ZMYM4: variants seen among roughly 807,000 people sequenced by gnomAD.
ZMYM4 encodes the protein zinc finger MYM-type containing 4.
In ZMYM4, 31 loss-of-function variants were observed where a neutral mutation model predicts 183.2. The observed-to-expected ratio is 0.17, with a 90% CI of 0.13 to 0.23. The LOEUF (loss-of-function observed/expected upper bound fraction) is 0.23, where lower values mean the gene tolerates loss of function less well. Among genes scored for constraint, ZMYM4 ranks in the 10% least tolerant of loss-of-function variants. The probability of loss-of-function intolerance (pLI) is 1.00; values close to 1 mark genes in which losing one functional copy is unlikely to be tolerated. For missense variants in ZMYM4, 1,273 were observed against 1,840.3 expected, an observed-to-expected ratio of 0.69 and a Z score of 5.64; for synonymous variants, 592 against 631.2, an observed-to-expected ratio of 0.94 and a Z score of 0.93.
chr1:35,413,118 C>T (rs1639981493), intron 26 of ZMYM4, among the ~76,000 whole-genome samples: 1 of 151,856 alleles, frequency 6.6e-6, no homozygotes, highest in Admixed American at 6.6e-5. Flanking sequence ...TCATAGCTTG[C>T]TGCAGTCTCA....
intron 2 of ZMYM4, among the ~76,000 whole-genome samples, chr1:35,352,596 T>C (rs1643669047): frequency 6.6e-6 from 1 of 152,228 alleles, no homozygotes; most frequent in South Asian, 2.1e-4. Flanking sequence ...CTGATGTAGC[T>C]GTTCTCAAGT....
chr1:35,268,981 C>T lies in ZMYM4; in HGVS notation c.-66C>T, dbSNP rs1422071756. 48 of 1,481,010 alleles carry T rather than the reference C, an allele frequency of 3.2e-5. No individual in the cohort carries two copies. Among genetic ancestry groups the T allele is most frequent in the Non-Finnish European group, 4.0e-5 (45 of 1,113,902 alleles). The allele number at this position is 1,481,010 out of a possible 1,614,324, so 91.7% of individuals were successfully genotyped here. ...GCCGTGCCTGCAGTGTGGGCGGGGG[C>T]CGGGGGGCCGAGAGGTACCGCCGCC... On this transcript the variant is annotated 5_prime_UTR_variant, in exon 1 of 30. Transcript: ENST00000314607.
chr1:35,366,735 G>C (rs1644088610), intron 5 of ZMYM4, among the ~76,000 whole-genome samples: 1 of 152,194 alleles, frequency 6.6e-6, no homozygotes, highest in African/African-American at 2.4e-5. Flanking sequence ...TTTAAGGCCA[G>C]GTGCGGTGGC....
At chr1:35,397,305 A>G (rs1644825868) in intron 19 of ZMYM4, 72 bp from the exon 20 acceptor site, 9 of 1,396,858 alleles carry the variant, frequency 6.4e-6, no homozygotes, top group African/African-American at 1.5e-5. Context: ...TACCTAAATC[A>G]TCTCACAAAT....
chr1:35,299,688 A>C (rs1293274282), intron 1 of ZMYM4, among the ~76,000 whole-genome samples: 1 of 152,224 alleles, frequency 6.6e-6, no homozygotes, highest in East Asian at 1.9e-4. Flanking sequence ...GGTAAGTTGC[A>C]GAAAGCAACC....
At chr1:35,320,569 A>G (rs1455570056) in intron 1 of ZMYM4, among the ~76,000 whole-genome samples, 1 of 152,134 alleles carries the variant, frequency 6.6e-6, no homozygotes, top group Non-Finnish European at 1.5e-5. Context: ...CGCACACCCC[A>G]AGTTATATAG....
chr1:35,409,309 C>G (rs936538403), intron 26 of ZMYM4, among the ~76,000 whole-genome samples: 6 of 152,150 alleles, frequency 3.9e-5, no homozygotes, highest in African/African-American at 1.4e-4. Context: ...AGTGGAATTG[C>G]TGAGTCTTGT....
Position 35,281,607 on chromosome 1 carries a change from G to T in ZMYM4, c.39+12522G>T, listed in dbSNP as rs1461115671. Among the ~76,000 whole-genome samples the T allele has an allele frequency of 2.0e-5, 3 of 151,504 alleles. No homozygotes were observed. In the East Asian group the frequency reaches 5.8e-4, roughly 29 times the overall value. On this transcript the variant is annotated intron_variant, in intron 1 of 29. Coordinates refer to ENST00000314607, the MANE Select transcript of ZMYM4 (RefSeq NM_005095.3). ...TACGTGTGTATCAAAACACCACTGT[G>T]TACCCCCTTAATTTTGTGCAATTAT...
At chr1:35,345,190 A>G (rs1264034169) in intron 2 of ZMYM4, among the ~76,000 whole-genome samples, 3 of 152,242 alleles carry the variant, frequency 2.0e-5, no homozygotes, top group Non-Finnish European at 4.4e-5. Flanking sequence ...GGCTAAGATC[A>G]AGTGTAATTT....
chr1:35,401,487 GGTT>G (rs1477560283), intron 23 of ZMYM4, among the ~76,000 whole-genome samples: 1 of 151,980 alleles, frequency 6.6e-6, no homozygotes, highest in African/African-American at 2.4e-5. Flanking sequence ...TTGTTGGGTT[GGTT>G]GTTATCTTGC....
At chr1:35,292,680 A>G (rs1640818531) in intron 1 of ZMYM4, among the ~76,000 whole-genome samples, 3 of 151,652 alleles carry the variant, frequency 2.0e-5, no homozygotes, top group Admixed American at 2.0e-4. Context: ...TTGTATTTTT[A>G]GTAGAGACCG....
intron 25 of ZMYM4, among the ~76,000 whole-genome samples, chr1:35,405,678 T>G (rs548318590): frequency 1.3e-5 from 2 of 152,328 alleles, no homozygotes; most frequent in South Asian, 2.1e-4. Flanking sequence ...AGAATTTTGT[T>G]TTATTTTTGA....
chr1:35,395,124 T>C (rs1459008794), intron 18 of ZMYM4, among the ~76,000 whole-genome samples: 3 of 152,070 alleles, frequency 2.0e-5, no homozygotes, highest in African/African-American at 7.2e-5. Flanking sequence ...GCATTTCTTA[T>C]AAGCTCCCAG....
chr1:35,374,425 A>T (rs115159536), intron 7 of ZMYM4, among the ~76,000 whole-genome samples: 1 of 152,094 alleles, frequency 6.6e-6, no homozygotes, highest in African/African-American at 2.4e-5. Context: ...TCATTCACAT[A>T]ATAACTTCAT....
In ZMYM4 at chr1:35,399,917, CG is replaced by C. The variant is rs561455925; in HGVS notation, c.3528+343del. On this transcript the variant is annotated intron_variant, in intron 23 of 29. Transcript: ENST00000314607. ...GAGTACTTTGGGAGGCCAAGGCAGG[CG>C]GATCACAAGGTCAGGAGATCGAGAC... is the stretch of plus-strand genomic sequence containing the variant. 2.2e-3 allele frequency: 375 copies of C among 171,456 alleles called. 2 individuals are homozygous for C. Among genetic ancestry groups the C allele is most frequent in the African/African-American group, 7.9e-3 (328 of 41,656 alleles). The allele number at this position is 171,456 out of a possible 1,614,324, so 10.6% of individuals were successfully genotyped here.
rs148502319 is a variant in ZMYM4 at position 35,393,502 on chromosome 1, C to T, written c.2767-93C>T. Reference sequence around the variant, plus strand: ...ACTTGCTATGTCCTCCATGTAATTCCAATATGACATTTCCTTTAATATTAT... The same window carrying T: ...ACTTGCTATGTCCTCCATGTAATTCTAATATGACATTTCCTTTAATATTAT... On this transcript the variant is annotated intron_variant, in intron 17 of 29. Coordinates refer to ENST00000314607, the MANE Select transcript of ZMYM4 (RefSeq NM_005095.3). The T allele has an allele frequency of 2.0e-5, 24 of 1,188,024 alleles. No homozygotes were observed. The African/African-American group carries it at 2.9e-4, about 15-fold the overall frequency. The allele number at this position is 1,188,024 out of a possible 1,614,324, so 73.6% of individuals were successfully genotyped here.
rs1317487611 is a variant in ZMYM4 at position 35,419,915 on chromosome 1, A to G, written c.*238A>G. ...GTTCTTAGACATCTTCAGAATGACT[A>G]ATTTCTCCGAGTGGTGCATAATCTT... is the stretch of plus-strand genomic sequence containing the variant. On this transcript the variant is annotated 3_prime_UTR_variant, in exon 30 of 30. Transcript: ENST00000314607. 6 of 501,180 alleles carry G rather than the reference A, an allele frequency of 1.2e-5. No homozygotes were observed. The highest frequency in any genetic ancestry group is 1.1e-4 in the South Asian group (5 of 44,332). The allele number at this position is 501,180 out of a possible 1,614,324, so 31.0% of individuals were successfully genotyped here.
intron 5 of ZMYM4, among the ~76,000 whole-genome samples, chr1:35,367,571 A>G (rs954325628): frequency 1.3e-5 from 2 of 152,224 alleles, no homozygotes; most frequent in East Asian, 1.9e-4. Flanking sequence ...GCATGATATC[A>G]TAAGATTAGT....
intron 1 of ZMYM4, among the ~76,000 whole-genome samples, chr1:35,311,194 T>C (rs11583028): frequency 0.99 from 149,989 of 152,072 alleles, 73,991 homozygotes; most frequent in Non-Finnish European, 1. Flanking sequence ...CTGAGGCAGG[T>C]GGATCACCTG....
Sources: gnomAD v4.1 joint callset for allele counts (sites outside exome capture counted in the v4.1 genomes callset) on GRCh38, gnomAD v4.1.1 for gene constraint, MANE v1.5 for transcripts, NCBI Gene and HGNC (gene_info 2026-07-23, HGNC 2026-07-21) for gene names.